C7orf33: variants seen among roughly 807,000 people sequenced by gnomAD.
C7orf33 encodes uncharacterized protein C7orf33.
A neutral mutation model predicts 13.4 loss-of-function variants in C7orf33; 15 were observed. That is an observed-to-expected ratio of 1.12 (90% CI 0.75 to 1.72). The LOEUF (loss-of-function observed/expected upper bound fraction) is 1.72. Ranked by LOEUF, C7orf33 falls within the 40% of genes most tolerant of loss-of-function variation. C7orf33 has a pLI of 0.00. For missense variants in C7orf33, 187 were observed against 220.3 expected (o/e 0.85, Z 0.96); for synonymous variants, 73 against 83.2 (o/e 0.88, Z 0.67).
In C7orf33 at chr7:148,595,377, C is replaced by G. The variant is rs1434180591; in HGVS notation, c.204+4248C>G. On this transcript the variant is annotated intron_variant, in intron 1 of 2. Coordinates refer to ENST00000307003, the MANE Select transcript of C7orf33 (RefSeq NM_145304.4). The stretch of plus-strand genomic sequence containing the variant: ...TAGATATATCAAATATAATATAGAT[C>G]TCTATTATATAGATATATCATAGAT... Among the ~76,000 whole-genome samples, 3 of 130,456 alleles carry G rather than the reference C, an allele frequency of 2.3e-5. No individual in the cohort carries two copies. The Admixed American group carries it at 2.5e-4, about 11-fold the overall frequency. 85.6% of individuals were successfully genotyped at this position (130,456 alleles called of 152,430 possible).
intron 1 of C7orf33, among the ~76,000 whole-genome samples, chr7:148,596,231 CA>C (rs1185958343): frequency 2.0e-5 from 3 of 152,180 alleles, no homozygotes; most frequent in African/African-American, 7.2e-5. Flanking sequence ...CACACATGCA[CA>C]ACCTCCCTCC....
At position 148,614,068 on chromosome 7, in the gene C7orf33, C is replaced by G; in HGVS notation, c.231C>G (p.Asn77Lys). 6.2e-7 allele frequency: 1 copy of G among 1,614,064 alleles called. No individual in the cohort carries two copies. Among genetic ancestry groups the G allele is most frequent in the Non-Finnish European group, 8.5e-7 (1 of 1,179,992 alleles). The change falls in exon 2 of 3, where the codon AAC becomes AAG. Residue 77 changes from asparagine (N) to lysine (K), a missense_variant. Coordinates refer to ENST00000307003, the MANE Select transcript of C7orf33 (RefSeq NM_145304.4). ...AGCCAAACCCACACCAAAACATGAA[C>G]CGGGGGATGGAATTTATTGCTCCTG... ...HKKPNPHQNMNRGMEFIAPVS... is the reference protein window; with the variant it reads ...HKKPNPHQNMKRGMEFIAPVS...
rs1313601253 is a variant in C7orf33, at chr7:148,590,953, C to T, written c.28C>T (p.Leu10Phe). The change falls in exon 1 of 3, where the codon CTT (leucine) becomes TTT (phenylalanine). Residue 10 changes from leucine (L) to phenylalanine (F), a missense_variant. Transcript: ENST00000307003. ...GCAAGTGGAAGTTCAAAGCCTCAGCCTTGAAGAGTGTCCCTGGAGACTTCC... is the reference window on the plus strand; with the variant it reads ...GCAAGTGGAAGTTCAAAGCCTCAGCTTTGAAGAGTGTCCCTGGAGACTTCC... MQVEVQSLS[L>F]EECPWRLPGP... 12 of 1,614,146 alleles carry T rather than the reference C, an allele frequency of 7.4e-6. No homozygotes were observed. Among genetic ancestry groups the T allele is most frequent in the Non-Finnish European group, 1.0e-5 (12 of 1,180,000 alleles).
intron 1 of C7orf33, among the ~76,000 whole-genome samples, chr7:148,597,730 ATTTGT>A (rs60207753): frequency 0.11 from 16,666 of 148,542 alleles, 1,089 homozygotes; most frequent in African/African-American, 0.18. Context: ...CTTCCTCTGC[ATTTGT>A]TTTGTTTTGT....
chr7:148,598,755 TATATATATAGAGAGAGAGAG>T (rs1489867444), intron 1 of C7orf33, among the ~76,000 whole-genome samples: 101 of 52,438 alleles, frequency 1.9e-3, no homozygotes, highest in African/African-American at 4.6e-3. Flanking sequence ...TATATATATA[TATATATATAGAGAGAGAGAG>T]AGAGAGAGAG....
intron 1 of C7orf33, among the ~76,000 whole-genome samples, chr7:148,597,730 A>ATTTGTTTTGT (rs60207753): frequency 0.1 from 15,102 of 148,580 alleles, 1,043 homozygotes; most frequent in Non-Finnish European, 0.14. Flanking sequence ...CTTCCTCTGC[A>ATTTGTTTTGT]TTTGTTTTGT....
At chr7:148,593,966 T>A (rs755447944) in intron 1 of C7orf33, among the ~76,000 whole-genome samples, 1 of 152,176 alleles carries the variant, frequency 6.6e-6, no homozygotes, top group South Asian at 2.1e-4. Context: ...GTCCTTGCGA[T>A]AGTGAGTGAG....
At chr7:148,598,082 C>T (rs10259646) in intron 1 of C7orf33, among the ~76,000 whole-genome samples, 53,214 of 152,126 alleles carry the variant, frequency 0.35, 11,931 homozygotes, top group African/African-American at 0.64. Flanking sequence ...ACTCTACTTA[C>T]ATATGTATTC....
intron 1 of C7orf33, among the ~76,000 whole-genome samples, chr7:148,608,431 AAAT>A (rs140792362): frequency 5.9e-4 from 89 of 149,628 alleles, no homozygotes; most frequent in African/African-American, 2.2e-3. Flanking sequence ...CTGCATCTCG[AAAT>A]AATAATAATA....
At chr7:148,598,757 TATATATAGAGAG>T (rs1292451381) in intron 1 of C7orf33, among the ~76,000 whole-genome samples, 118 of 41,238 alleles carry the variant, frequency 2.9e-3, no homozygotes, top group South Asian at 7.9e-3. Context: ...TATATATATA[TATATATAGAGAG>T]AGAGAGAGAG....
intron 1 of C7orf33, among the ~76,000 whole-genome samples, chr7:148,612,778 T>C (rs555868808): frequency 9.2e-5 from 14 of 151,834 alleles, no homozygotes; most frequent in Non-Finnish European, 1.3e-4. Flanking sequence ...GACACCCTCA[T>C]GCATTGCCAG....
At chr7:148,597,028 C>G (rs1796347357) in intron 1 of C7orf33, among the ~76,000 whole-genome samples, 1 of 152,024 alleles carries the variant, frequency 6.6e-6, no homozygotes, top group Admixed American at 6.6e-5. Flanking sequence ...ATTCCATTGT[C>G]TGGGTGTACC....
intron 1 of C7orf33, among the ~76,000 whole-genome samples, chr7:148,597,032 G>C (rs916003251): frequency 1.3e-5 from 2 of 151,924 alleles, no homozygotes; most frequent in African/African-American, 4.8e-5. Flanking sequence ...CATTGTCTGG[G>C]TGTACCACAG....
intron 1 of C7orf33, among the ~76,000 whole-genome samples, chr7:148,603,636 C>G (rs572793262): frequency 6.6e-6 from 1 of 152,224 alleles, no homozygotes; most frequent in African/African-American, 2.4e-5. Flanking sequence ...AAGAGAAAGT[C>G]AAGCAGTGGA....
At chr7:148,603,300 G>T (rs1796437604) in intron 1 of C7orf33, among the ~76,000 whole-genome samples, 3 of 152,108 alleles carry the variant, frequency 2.0e-5, no homozygotes, top group Non-Finnish European at 4.4e-5. Context: ...TCAAAAGGAG[G>T]CCAGACTCGG....
intron 1 of C7orf33, among the ~76,000 whole-genome samples, chr7:148,598,761 T>TAGAG (rs1796378433): frequency 3.6e-5 from 1 of 27,490 alleles, no homozygotes; most frequent in Non-Finnish European, 6.0e-5. Flanking sequence ...TATATATATA[T>TAGAG]ATAGAGAGAG....
chr7:148,599,847 C>T (rs1044603702), intron 1 of C7orf33, among the ~76,000 whole-genome samples: 2 of 152,136 alleles, frequency 1.3e-5, no homozygotes, highest in South Asian at 4.1e-4. Context: ...ACCTGCAGCA[C>T]GACTACTCTC....
intron 1 of C7orf33, among the ~76,000 whole-genome samples, chr7:148,612,723 A>G (rs1015759470): frequency 6.6e-6 from 1 of 152,102 alleles, no homozygotes. Flanking sequence ...ATAACTAAAA[A>G]GGCAAGTAAT....
chr7:148,604,327 A>G (rs1311325070), intron 1 of C7orf33, among the ~76,000 whole-genome samples: 2 of 151,888 alleles, frequency 1.3e-5, no homozygotes, highest in East Asian at 3.9e-4. Context: ...GAGTTTCACC[A>G]TGTCGGCCAG....
Sources: allele counts gnomAD v4.1 joint callset (sites outside exome capture counted in the v4.1 genomes callset), GRCh38; gene constraint gnomAD v4.1.1; transcripts MANE v1.5; gene names NCBI Gene and HGNC (gene_info 2026-07-23, HGNC 2026-07-21).